Variants in TBC1D5 observed in about 807,000 individuals in gnomAD.
TBC1D5 encodes TBC1 domain family, member 5.
In TBC1D5, 75 loss-of-function variants were observed where a neutral mutation model predicts 100.3. The ratio of observed to expected loss-of-function variants is 0.75; its 90% confidence interval spans 0.62 to 0.91. TBC1D5 has a LOEUF of 0.91. TBC1D5 is among the 40% of genes least tolerant of loss of function. The pLI is 0.00. For synonymous variants in TBC1D5, 323 were observed against 325.6 expected, an observed-to-expected ratio of 0.99 and a Z score of 0.09; for missense variants, 910 against 942.4, an observed-to-expected ratio of 0.97 and a Z score of 0.45.
intron 3 of TBC1D5, among the ~76,000 whole-genome samples, chr3:17,480,065 G>A (rs1260588781): frequency 6.6e-6 from 1 of 152,218 alleles, no homozygotes; most frequent in Non-Finnish European, 1.5e-5. Context: ...CTGGAGTGAA[G>A]CAAAGCTGTG....
chr3:17,487,821 A>T (rs575953824), intron 3 of TBC1D5, among the ~76,000 whole-genome samples: 1 of 152,250 alleles, frequency 6.6e-6, no homozygotes, highest in Non-Finnish European at 1.5e-5. Context: ...TAATTAATAG[A>T]TTTTATTATT....
At chr3:17,594,448 G>A (rs1349164734) in intron 2 of TBC1D5, among the ~76,000 whole-genome samples, 1 of 152,110 alleles carries the variant, frequency 6.6e-6, no homozygotes, top group Non-Finnish European at 1.5e-5. Flanking sequence ...GAAGGCAAAG[G>A]GAATACAGAA....
chr3:17,447,866 A>G (rs761512435), intron 3 of TBC1D5, among the ~76,000 whole-genome samples: 1 of 152,242 alleles, frequency 6.6e-6, no homozygotes, highest in Non-Finnish European at 1.5e-5. Context: ...TTCTTGGAAT[A>G]TCAGGAAAAC....
chr3:17,564,274 A>G (rs1428980109), intron 2 of TBC1D5, among the ~76,000 whole-genome samples: 1 of 152,214 alleles, frequency 6.6e-6, no homozygotes, highest in Admixed American at 6.5e-5. Context: ...AAAACTTTAC[A>G]GGGCTCCTCA....
intron 14 of TBC1D5, among the ~76,000 whole-genome samples, chr3:17,304,476 C>T (rs1326048589): frequency 1.3e-5 from 2 of 152,146 alleles, no homozygotes; most frequent in East Asian, 1.9e-4. Flanking sequence ...GGCGCAATCA[C>T]GGCTCACTGC....
chr3:17,637,400 T>C (rs2064063829), intron 1 of TBC1D5, among the ~76,000 whole-genome samples: 2 of 151,634 alleles, frequency 1.3e-5, no homozygotes, highest in East Asian at 3.9e-4. Context: ...TAGCCGAGTT[T>C]CTATGGATGT....
intron 2 of TBC1D5, among the ~76,000 whole-genome samples, chr3:17,560,959 G>C (rs573573603): frequency 6.6e-5 from 10 of 151,684 alleles, no homozygotes; most frequent in Admixed American, 2.6e-4. Context: ...AAATGAACAT[G>C]AACAATACTA....
intron 1 of TBC1D5, among the ~76,000 whole-genome samples, chr3:17,700,481 G>A (rs555692146): frequency 6.6e-6 from 1 of 152,104 alleles, no homozygotes; most frequent in South Asian, 2.1e-4. Context: ...TGACAAATGG[G>A]ATCTAATTAA....
chr3:17,535,622 C>G (rs1479095067), intron 2 of TBC1D5, among the ~76,000 whole-genome samples: 1 of 151,832 alleles, frequency 6.6e-6, no homozygotes, highest in Non-Finnish European at 1.5e-5. Context: ...GGTATCAGCC[C>G]AAGAGAACAT....
chr3:17,459,824 T>G (rs2095168619), intron 3 of TBC1D5, among the ~76,000 whole-genome samples: 1 of 152,196 alleles, frequency 6.6e-6, no homozygotes, highest in South Asian at 2.1e-4. Context: ...ATAGATGAAT[T>G]GAAGGCACAT....
chr3:17,168,038 A>G (rs1370939298), intron 19 of TBC1D5, among the ~76,000 whole-genome samples: 1 of 152,178 alleles, frequency 6.6e-6, no homozygotes, highest in Admixed American at 6.5e-5. Context: ...CCTCCCCTCC[A>G]ACATTCCATG....
chr3:17,403,125 A>G, intron 8 of TBC1D5, 56 bp downstream of exon 8: 4 of 1,420,510 alleles, frequency 2.8e-6, no homozygotes, highest in Non-Finnish European at 3.8e-6. Flanking sequence ...TTAAAATTAG[A>G]AAGAGATAAC....
intron 1 of TBC1D5, among the ~76,000 whole-genome samples, chr3:17,676,572 C>T (rs2068665096): frequency 6.6e-6 from 1 of 152,296 alleles, no homozygotes; most frequent in East Asian, 1.9e-4. Flanking sequence ...AATGGCCATA[C>T]TGCCCAAGGT....
At chr3:17,617,934 T>C (rs528515137) in intron 2 of TBC1D5, among the ~76,000 whole-genome samples, 1 of 152,340 alleles carries the variant, frequency 6.6e-6, no homozygotes. Flanking sequence ...TACAGCTTTA[T>C]TCTGTTGCTG....
intron 1 of TBC1D5, among the ~76,000 whole-genome samples, chr3:17,679,203 C>G (rs2069113304): frequency 6.6e-6 from 1 of 151,132 alleles, no homozygotes; most frequent in Non-Finnish European, 1.5e-5. Flanking sequence ...TCCTGCCACA[C>G]TGTCAAGGCA....
intron 8 of TBC1D5, among the ~76,000 whole-genome samples, chr3:17,397,860 C>G (rs1250412927): frequency 6.6e-6 from 1 of 151,988 alleles, no homozygotes; most frequent in East Asian, 1.9e-4. Flanking sequence ...GTCAAAGTTA[C>G]AATTATAAAA....
At chr3:17,340,984 A>G (rs758558248) in intron 13 of TBC1D5, among the ~76,000 whole-genome samples, 4 of 152,194 alleles carry the variant, frequency 2.6e-5, no homozygotes, top group African/African-American at 7.2e-5. Flanking sequence ...TGAAAATGTC[A>G]CATTAATATT....
intron 19 of TBC1D5, among the ~76,000 whole-genome samples, chr3:17,178,188 C>T (rs866999420): frequency 2.0e-5 from 3 of 151,882 alleles, no homozygotes; most frequent in South Asian, 2.1e-4. Flanking sequence ...GCCTCAGCCT[C>T]CTGAGTAGCT....
chr3:17,651,069 A>AT (rs562804707), intron 1 of TBC1D5, among the ~76,000 whole-genome samples: 10 of 152,136 alleles, frequency 6.6e-5, no homozygotes, highest in African/African-American at 1.4e-4. Flanking sequence ...AAAAATCAAG[A>AT]TTTTTTTTCC....
Sources: allele counts gnomAD v4.1 joint callset (sites outside exome capture counted in the v4.1 genomes callset), GRCh38; gene constraint gnomAD v4.1.1; transcripts MANE v1.5; gene names NCBI Gene and HGNC (gene_info 2026-07-23, HGNC 2026-07-21).